The following DAB2IP variants were observed in gnomAD, a reference collection of about 807,000 sequenced individuals.
DAB2IP encodes disabled homolog 2-interacting protein.
Under a neutral mutation model 107.2 loss-of-function variants are expected in DAB2IP, and 28 were observed. The ratio of observed to expected loss-of-function variants is 0.26; its 90% CI spans 0.19 to 0.36. The LOEUF is 0.36. Ranked by LOEUF, DAB2IP falls within the 10% of genes least tolerant of loss-of-function variation. The pLI, the probability that DAB2IP is intolerant of heterozygous loss-of-function variation, is 1.00. For missense variants in DAB2IP, 1,400 were observed against 1,644.7 expected (o/e 0.85, Z 2.57); for synonymous variants, 755 against 706.4 (o/e 1.07, Z -1.09).
chr9:121,730,410 C>T (rs955507947), intron 3 of DAB2IP, among the ~76,000 whole-genome samples: 7 of 152,220 alleles, frequency 4.6e-5, no homozygotes, highest in Non-Finnish European at 7.3e-5. Flanking sequence ...CTGCCAGGCT[C>T]ACCAATTATA....
At position 121,633,227 on chromosome 9, in the gene DAB2IP, A is replaced by C. The variant is rs1831958457; in HGVS notation, c.41-45451A>C. ...AAGGTTTGACATGAACAATACAATA[A>C]ACGCAGCTTCTAAATTGGGTCAGGG... On this transcript the variant is annotated intron_variant, in intron 1 of 16. Coordinates refer to the DAB2IP transcript ENST00000259371. This position sits in a 1 kb window ranked among gnomAD's most constrained non-coding sequence, Gnocchi z 5.1. Among the ~76,000 whole-genome samples the C allele has an allele frequency of 6.6e-6, 1 of 152,182 alleles. No homozygotes were observed. The highest frequency in any genetic ancestry group is 6.5e-5 in the Admixed American group (1 of 15,280).
At chr9:121,692,402 T>C (rs1829208965) in intron 2 of DAB2IP, among the ~76,000 whole-genome samples, 1 of 152,180 alleles carries the variant, frequency 6.6e-6, no homozygotes, top group East Asian at 1.9e-4. Context: ...TGCATTTGTA[T>C]GCATGCCTGT....
intron 1 of DAB2IP, among the ~76,000 whole-genome samples, chr9:121,625,309 G>T (rs1473099921): frequency 4.9e-5 from 7 of 143,140 alleles, no homozygotes; most frequent in African/African-American, 1.8e-4. Context: ...GTGTGATCTT[G>T]GCTCACTGAA....
intron 1 of DAB2IP, among the ~76,000 whole-genome samples, chr9:121,621,059 G>A (rs545796928): frequency 8.5e-5 from 13 of 152,174 alleles, no homozygotes; most frequent in South Asian, 2.1e-4. Context: ...CTGGGACAGG[G>A]AACCACACCC....
intron 3 of DAB2IP, among the ~76,000 whole-genome samples, chr9:121,746,816 G>T (rs1029922735): frequency 6.6e-6 from 1 of 152,292 alleles, no homozygotes; most frequent in South Asian, 2.1e-4. Context: ...CTTGGGTCTC[G>T]CATCCCCAGG....
chr9:121,763,073 T>A (rs1013373478), intron 6 of DAB2IP, among the ~76,000 whole-genome samples: 1 of 152,244 alleles, frequency 6.6e-6, no homozygotes, highest in Non-Finnish European at 1.5e-5. Flanking sequence ...AGGTGGATAC[T>A]GATGGCCATT....
At chr9:121,616,071 CA>C (rs1831265317) in intron 1 of DAB2IP, among the ~76,000 whole-genome samples, 1 of 152,154 alleles carries the variant, frequency 6.6e-6, no homozygotes, top group Admixed American at 6.5e-5. Context: ...ACATGAGAGT[CA>C]AATGTCCTTT....
rs1831921333 is a variant in DAB2IP at position 121,632,265 on chromosome 9, A to T, written c.41-46413A>T. The stretch of plus-strand genomic sequence containing the variant: ...CTCGCAGAGTTGCTGTGGGCGTAAA[A>T]TGTGACAAGGGATTTAAAGCTCAGC... On this transcript the variant is annotated intron_variant, in intron 1 of 16. Transcript: ENST00000259371. Among the ~76,000 whole-genome samples the T allele has an allele frequency of 2.6e-5, 4 of 152,238 alleles. No individual in the cohort carries two copies. In the South Asian group the frequency reaches 8.3e-4, roughly 31 times the overall value.
upstream of DAB2IP, among the ~76,000 whole-genome samples, chr9:121,648,947 T>C (rs916659938): frequency 6.6e-6 from 1 of 151,834 alleles, no homozygotes; most frequent in African/African-American, 2.4e-5. Context: ...CGGCGGGAGG[T>C]GGGAGCAGAT....
chr9:121,707,692 C>T (rs1401843014), intron 3 of DAB2IP, among the ~76,000 whole-genome samples: 1 of 152,204 alleles, frequency 6.6e-6, no homozygotes, highest in Non-Finnish European at 1.5e-5. Flanking sequence ...TGTAGTGTCT[C>T]CCTGTGCCCA....
At chr9:121,585,221 C>T (rs111458033) in intron 1 of DAB2IP, among the ~76,000 whole-genome samples, 3 of 152,108 alleles carry the variant, frequency 2.0e-5, no homozygotes, top group Non-Finnish European at 4.4e-5. Context: ...CCCAGAATGG[C>T]GAGGGGTCAA....
chr9:121,749,084 C>T (rs1832918456), intron 3 of DAB2IP, among the ~76,000 whole-genome samples: 1 of 152,196 alleles, frequency 6.6e-6, no homozygotes. Context: ...TTAGGACAGG[C>T]TCTGTCTCCC....
In DAB2IP at chr9:121,736,252, C is replaced by T. The variant is rs1046808464; in HGVS notation, c.363-20761C>T. 1.3e-5 allele frequency among the ~76,000 whole-genome samples: 2 copies of T among 152,184 alleles called. No homozygotes were observed. Among genetic ancestry groups the T allele is most frequent in the Non-Finnish European group, 2.9e-5 (2 of 68,026 alleles). ...CTGGGCTGCGCTGGTCTAAGCCCGA[C>T]GAACCCGGGGTGGGGCCAGCGGGCC... is the stretch of plus-strand genomic sequence containing the variant. On this transcript the variant is annotated intron_variant, in intron 3 of 15. Coordinates refer to ENST00000408936, the Ensembl canonical transcript of DAB2IP. The surrounding 1 kb of genome is among the most constrained non-coding windows in gnomAD (Gnocchi z 4.6).
chr9:121,666,023 A>G (rs1056810789), intron 1 of DAB2IP, among the ~76,000 whole-genome samples: 2 of 152,204 alleles, frequency 1.3e-5, no homozygotes, highest in Admixed American at 6.5e-5. Flanking sequence ...GTTCTGGGGG[A>G]CAGAAGTCTG....
At position 121,772,566 on chromosome 9, in the gene DAB2IP, C is replaced by T; in HGVS notation, c.2079-41C>T. On this transcript the variant is annotated intron_variant, in intron 11 of 15. Transcript: ENST00000408936. This position sits in a 1 kb window ranked among gnomAD's most constrained non-coding sequence, Gnocchi z 4.7. Reference sequence around the variant, plus strand: ...CGCCTTGGCTGCACTCACAGTTCTTCTTTTCCCCTTCTTTCCCTGTGTGTG... The same window carrying T: ...CGCCTTGGCTGCACTCACAGTTCTTTTTTTCCCCTTCTTTCCCTGTGTGTG... 6.3e-7 allele frequency: 1 copy of T among 1,575,112 alleles called. No homozygotes were observed. The highest frequency in any genetic ancestry group is 8.6e-7 in the Non-Finnish European group (1 of 1,158,256).
chr9:121,714,106 C>G (rs1024863812), intron 3 of DAB2IP, among the ~76,000 whole-genome samples: 1 of 152,212 alleles, frequency 6.6e-6, no homozygotes, highest in Admixed American at 6.5e-5. Flanking sequence ...CACATTCTCA[C>G]ACACCATGCT....
chr9:121,638,648 G>A (rs1832172002), intron 1 of DAB2IP, among the ~76,000 whole-genome samples: 1 of 152,172 alleles, frequency 6.6e-6, no homozygotes, highest in Non-Finnish European at 1.5e-5. Flanking sequence ...CAGGGCCAGG[G>A]CAGCTAGGGC....
intron 2 of DAB2IP, among the ~76,000 whole-genome samples, chr9:121,683,814 G>A (rs1454437366): frequency 6.6e-6 from 1 of 152,222 alleles, no homozygotes; most frequent in Non-Finnish European, 1.5e-5. Context: ...GGGCTTTGAG[G>A]AGTGTATAGG....
At chr9:121,659,936 G>A (rs564890771) in intron 1 of DAB2IP, among the ~76,000 whole-genome samples, 133 of 152,238 alleles carry the variant, frequency 8.7e-4, no homozygotes, top group African/African-American at 3.2e-3. Flanking sequence ...GAGCTTTAGC[G>A]AGCCACCTAG....
Sources: gnomAD v4.1 joint callset for allele counts (sites outside exome capture counted in the v4.1 genomes callset) on GRCh38, gnomAD v4.1.1 for gene constraint, Gnocchi (gnomAD v3.1) non-coding constraint, MANE v1.5 for transcripts, NCBI Gene and HGNC (gene_info 2026-07-23, HGNC 2026-07-21) for gene names.